Variants in MIR2052HG observed in about 807,000 individuals in gnomAD.
MIR2052HG encodes MIR2052 host gene.
intron 1 of MIR2052HG, among the ~76,000 whole-genome samples, chr8:74,600,412 C>T (rs1382243855): frequency 3.3e-5 from 5 of 151,354 alleles, no homozygotes; most frequent in South Asian, 4.2e-4. Flanking sequence ...GGAGAAACCC[C>T]GTTTCCACTA....
chr8:74,671,310 G>C (rs550565479), intron 2 of MIR2052HG, among the ~76,000 whole-genome samples: 1 of 152,138 alleles, frequency 6.6e-6, no homozygotes, highest in African/African-American at 2.4e-5. Context: ...CTGAATTTTT[G>C]CTATCACTTA....
intron 2 of MIR2052HG, among the ~76,000 whole-genome samples, chr8:74,635,670 G>A (rs528085158): frequency 2.1e-4 from 32 of 152,032 alleles, no homozygotes; most frequent in Non-Finnish European, 3.7e-4. Context: ...CACGTAATTC[G>A]TGGCTGGATT....
intron 2 of MIR2052HG, among the ~76,000 whole-genome samples, chr8:74,630,879 A>G (rs1254263633): frequency 6.6e-6 from 1 of 152,184 alleles, no homozygotes; most frequent in African/African-American, 2.4e-5. Context: ...CTGACTTGCT[A>G]TCTTCTTTGT....
intron 2 of MIR2052HG, among the ~76,000 whole-genome samples, chr8:74,700,568 C>A (rs1330602626): frequency 6.6e-6 from 1 of 152,084 alleles, no homozygotes; most frequent in Non-Finnish European, 1.5e-5. Context: ...AAAATTAAAT[C>A]ACTATTTTAT....
At chr8:74,728,510 G>A (rs973535215) in intron 4 of MIR2052HG, among the ~76,000 whole-genome samples, 4 of 152,132 alleles carry the variant, frequency 2.6e-5, no homozygotes, top group Non-Finnish European at 2.9e-5. Flanking sequence ...AATGGTGCAC[G>A]ATCTTCCTTG....
Position 74,714,778 on chromosome 8 carries a change from C to T in MIR2052HG, n.371+11096C>T, listed in dbSNP as rs370009613. Among the ~76,000 whole-genome samples the T allele has an allele frequency of 1.2e-4, 18 of 148,606 alleles. No individual in the cohort carries two copies. In the East Asian group the frequency reaches 1.6e-3, roughly 13 times the overall value. ...GGAGTGCAGTGGTGCAATCTCGGCT[C>T]GCTGCAACCTCTCCCTCCTGGGTTC... On this transcript the variant is annotated intron_variant and non_coding_transcript_variant, in intron 4 of 6. Coordinates refer to ENST00000523442, the Ensembl canonical transcript of MIR2052HG.
At chr8:74,662,135 T>C (rs1033579633) in intron 2 of MIR2052HG, among the ~76,000 whole-genome samples, 4 of 152,182 alleles carry the variant, frequency 2.6e-5, no homozygotes, top group Non-Finnish European at 4.4e-5. Context: ...ATCACGGTTT[T>C]GAAACAAGAG....
At chr8:74,747,830 T>C (rs1353182686) in intron 4 of MIR2052HG, among the ~76,000 whole-genome samples, 3 of 152,220 alleles carry the variant, frequency 2.0e-5, no homozygotes, top group African/African-American at 7.2e-5. Context: ...TTTCAATCTA[T>C]AATGTATCAT....
chr8:74,636,135 G>A (rs75278419), intron 2 of MIR2052HG, among the ~76,000 whole-genome samples: 1 of 151,956 alleles, frequency 6.6e-6, no homozygotes, highest in Non-Finnish European at 1.5e-5. Context: ...AGTAAGCCAC[G>A]CTTGGCCTCA....
At chr8:74,667,172 T>A (rs2128737623) in intron 2 of MIR2052HG, among the ~76,000 whole-genome samples, 1 of 152,238 alleles carries the variant, frequency 6.6e-6, no homozygotes, top group Non-Finnish European at 1.5e-5. Context: ...AGGAGCTCAG[T>A]CCAGAGGCCA....
intron 1 of MIR2052HG, chr8:74,612,730 T>C (rs1808217555): frequency 2.8e-6 from 1 of 355,676 alleles, no homozygotes; most frequent in Non-Finnish European, 5.5e-6. Context: ...AGTCATTTTA[T>C]GCTGTAAAAA....
chr8:74,604,256 T>C, intron 1 of MIR2052HG: 4 of 870,220 alleles, frequency 4.6e-6, no homozygotes, highest in Non-Finnish European at 5.9e-6. Flanking sequence ...TCGAGCAGTG[T>C]TCTGGGGAGC....
intron 2 of MIR2052HG, among the ~76,000 whole-genome samples, chr8:74,682,208 G>C (rs1809133128): frequency 6.6e-6 from 1 of 152,028 alleles, no homozygotes; most frequent in South Asian, 2.1e-4. Flanking sequence ...AGTATTTAGA[G>C]GATAGTATAA....
chr8:74,604,613 G>A (rs1284201608), intron 1 of MIR2052HG, among the ~76,000 whole-genome samples: 1 of 86,008 alleles, frequency 1.2e-5, no homozygotes, highest in East Asian at 3.2e-4. Context: ...TTTTTTCTGA[G>A]ACGGAGTCTT....
At chr8:74,718,914 C>G (rs569508365) in intron 4 of MIR2052HG, among the ~76,000 whole-genome samples, 2 of 152,110 alleles carry the variant, frequency 1.3e-5, no homozygotes, top group African/African-American at 4.8e-5. Flanking sequence ...TGAATTTTAA[C>G]GTATTAATTT....
At chr8:74,729,773 G>A (rs556622385) in intron 4 of MIR2052HG, among the ~76,000 whole-genome samples, 17 of 152,166 alleles carry the variant, frequency 1.1e-4, no homozygotes, top group African/African-American at 3.9e-4. Flanking sequence ...AGAAGGGGTA[G>A]GAAAACATAA....
chr8:74,607,299 T>G (rs908026193), intron 1 of MIR2052HG, among the ~76,000 whole-genome samples: 1 of 152,126 alleles, frequency 6.6e-6, no homozygotes, highest in Admixed American at 6.5e-5. Flanking sequence ...TTTAAGCACT[T>G]AATAATAGAG....
chr8:74,604,356 G>T, intron 1 of MIR2052HG: 1 of 536,936 alleles, frequency 1.9e-6, no homozygotes, highest in Admixed American at 2.6e-5. Flanking sequence ...AAAGGGGAAT[G>T]GGCTGGAAGG....
At chr8:74,655,646 A>G (rs548941908) in intron 2 of MIR2052HG, among the ~76,000 whole-genome samples, 49 of 152,350 alleles carry the variant, frequency 3.2e-4, no homozygotes, top group African/African-American at 1.2e-3. Context: ...ATGCCCAGGC[A>G]AAAGTTTGCT....
Sources: gnomAD v4.1 joint callset for allele counts (sites outside exome capture counted in the v4.1 genomes callset) on GRCh38, gnomAD v4.1.1 for gene constraint, MANE v1.5 for transcripts, NCBI Gene and HGNC (gene_info 2026-07-23, HGNC 2026-07-21) for gene names.